Variants in IGF2BP3 observed in about 807,000 individuals in gnomAD.
IGF2BP3 encodes the protein insulin like growth factor 2 mRNA binding protein 3, also known as insulin-like growth factor 2 mRNA-binding protein 3.
A neutral mutation model predicts 73.8 loss-of-function variants in IGF2BP3; 9 were observed. That is an observed-to-expected ratio of 0.12 (90% CI 0.07 to 0.21). IGF2BP3 has a LOEUF of 0.21. Ranked by LOEUF, IGF2BP3 falls within the 10% of genes least tolerant of loss-of-function variation. The pLI is 1.00. For synonymous variants in IGF2BP3, 258 were observed against 256.7 expected (o/e 1.01, Z -0.05); for missense variants, 542 against 714.0 (o/e 0.76, Z 2.75).
chr7:23,334,700 ACT>A (rs554875432), intron 10 of IGF2BP3, among the ~76,000 whole-genome samples: 1 of 152,238 alleles, frequency 6.6e-6, no homozygotes, highest in South Asian at 2.1e-4. Flanking sequence ...TTCTTGGCAG[ACT>A]CTCAACTACG....
chr7:23,329,311 C>G (rs1365072157), intron 10 of IGF2BP3, among the ~76,000 whole-genome samples: 1 of 152,152 alleles, frequency 6.6e-6, no homozygotes, highest in Non-Finnish European at 1.5e-5. Flanking sequence ...TCAAACGTCC[C>G]TACTGCATTT....
chr7:23,335,758 T>C (rs76125571), intron 10 of IGF2BP3, among the ~76,000 whole-genome samples: 2,690 of 152,320 alleles, frequency 0.018, 81 homozygotes, highest in African/African-American at 0.056. Flanking sequence ...AATCCAACTG[T>C]ATGCTGCCAA....
At chr7:23,329,438 CCT>C (rs1414469177) in intron 10 of IGF2BP3, among the ~76,000 whole-genome samples, 3 of 152,034 alleles carry the variant, frequency 2.0e-5, no homozygotes, top group Admixed American at 6.6e-5. Flanking sequence ...AAATTTGTGC[CCT>C]GTTTGAATAC....
chr7:23,361,442 C>CTACCA (rs1325549356), intron 5 of IGF2BP3, 92 bp downstream of exon 5: 2 of 981,926 alleles, frequency 2.0e-6, no homozygotes, highest in Non-Finnish European at 3.1e-6. Flanking sequence ...TCTCTGCCAC[C>CTACCA]TACCAGCCCT....
At chr7:23,444,702 C>T (rs1788017437) in intron 2 of IGF2BP3, among the ~76,000 whole-genome samples, 1 of 140,352 alleles carries the variant, frequency 7.1e-6, no homozygotes, top group Non-Finnish European at 1.5e-5. Flanking sequence ...CAGATTGCAA[C>T]ACTGCACTCC....
In IGF2BP3 at chr7:23,317,703, G is replaced by A. The variant is rs1230387067; in HGVS notation, c.1331C>T (p.Ala444Val). 1 of 1,613,684 alleles carries A rather than the reference G, an allele frequency of 6.2e-7. No individual in the cohort carries two copies. Among genetic ancestry groups the A allele is most frequent in the African/African-American group, 1.3e-5 (1 of 75,016 alleles). Residue 444 changes from alanine to valine, a missense_variant, in exon 12 of 15, where the codon GCG becomes GTG. Around this residue, in one of 2 missense-constraint regions of IGF2BP3, gnomAD observed 303 missense variants for 472.1 expected, o/e 0.64. Coordinates refer to ENST00000258729, the MANE Select transcript of IGF2BP3 (RefSeq NM_006547.3). ...CCTCACTTTAGCATCTGGTGCTTCC[G>A]CTGGAGCAATCTGTAACAGACCCAA... The part of the protein sequence containing the change: ...FAGASIKIAP[A>V]EAPDAKVRMV...
At chr7:23,355,010 C>A (rs1366870827) in intron 5 of IGF2BP3, among the ~76,000 whole-genome samples, 1 of 152,146 alleles carries the variant, frequency 6.6e-6, no homozygotes, top group Non-Finnish European at 1.5e-5. Flanking sequence ...TCTTTCTAGG[C>A]ACAAAGTTTG....
rs201671879 is a variant in IGF2BP3 at position 23,312,474 on chromosome 7, G to A, written c.1642-14C>T. 6.3e-7 allele frequency: 1 copy of A among 1,576,454 alleles called. No homozygotes were observed. The highest frequency in any genetic ancestry group is 1.7e-5 in the Admixed American group (1 of 59,918). On this transcript the variant is annotated splice_polypyrimidine_tract_variant and intron_variant, in intron 14 of 14. Transcript: ENST00000258729. ...TCTCTGGGCAACCTAGAAAAGGACA[G>A]AGCTTTGAAATTCCACTTGATCAAA...
At chr7:23,313,731 A>C in intron 12 of IGF2BP3, 78 bp from the exon 13 acceptor site, 1 of 1,424,322 alleles carries the variant, frequency 7.0e-7, no homozygotes. Flanking sequence ...AGATGGCCCA[A>C]ATCCAAGTGG....
At chr7:23,447,792 A>G in intron 2 of IGF2BP3, among the ~76,000 whole-genome samples, 1 of 152,062 alleles carries the variant, frequency 6.6e-6, no homozygotes, top group Non-Finnish European at 1.5e-5. Context: ...CAGCCTGGGC[A>G]AAACAGTGAG....
chr7:23,333,200 T>C (rs762916733), intron 10 of IGF2BP3, among the ~76,000 whole-genome samples: 33 of 152,382 alleles, frequency 2.2e-4, no homozygotes, highest in Admixed American at 5.2e-4. Context: ...TATACAAATC[T>C]GGCTTTAAGC....
intron 2 of IGF2BP3, among the ~76,000 whole-genome samples, chr7:23,420,358 G>T (rs2128536324): frequency 6.6e-6 from 1 of 152,180 alleles, no homozygotes; most frequent in African/African-American, 2.4e-5. Context: ...CATGCTTGTA[G>T]TACCACCTAC....
intron 3 of IGF2BP3, among the ~76,000 whole-genome samples, chr7:23,408,025 G>A (rs570800260): frequency 1.3e-5 from 2 of 151,216 alleles, no homozygotes; most frequent in African/African-American, 4.8e-5. Context: ...ATCAATTCAT[G>A]CAGAAAAAGC....
intron 11 of IGF2BP3, among the ~76,000 whole-genome samples, chr7:23,318,297 A>C (rs1310409308): frequency 6.6e-6 from 1 of 152,080 alleles, no homozygotes; most frequent in Non-Finnish European, 1.5e-5. Context: ...ATCATAGCTC[A>C]CTGCAGCCTC....
chr7:23,321,595 T>A (rs1784153385), intron 10 of IGF2BP3, among the ~76,000 whole-genome samples: 1 of 152,314 alleles, frequency 6.6e-6, no homozygotes, highest in East Asian at 1.9e-4. Context: ...CCTGCCTGCC[T>A]CTGTAGGCTC....
At chr7:23,429,262 A>G (rs1021997616) in intron 2 of IGF2BP3, among the ~76,000 whole-genome samples, 1 of 152,158 alleles carries the variant, frequency 6.6e-6, no homozygotes, top group African/African-American at 2.4e-5. Flanking sequence ...ATATTTGCAT[A>G]TTTTCTTCCA....
At chr7:23,350,714 T>C (rs1784938947) in intron 6 of IGF2BP3, among the ~76,000 whole-genome samples, 1 of 152,192 alleles carries the variant, frequency 6.6e-6, no homozygotes, top group Non-Finnish European at 1.5e-5. Context: ...ATAAAACAAA[T>C]AGTTCCCGCT....
At chr7:23,327,063 ATAATAAATAAAT>A (rs962709959) in intron 10 of IGF2BP3, among the ~76,000 whole-genome samples, 46 of 145,548 alleles carry the variant, frequency 3.2e-4, no homozygotes, top group African/African-American at 7.9e-4. Flanking sequence ...AACTTAAAGT[ATAATAAATAAAT>A]TAATTAATTA....
At chr7:23,344,284 T>C (rs975115377) in intron 8 of IGF2BP3, among the ~76,000 whole-genome samples, 1 of 152,244 alleles carries the variant, frequency 6.6e-6, no homozygotes, top group African/African-American at 2.4e-5. Flanking sequence ...CTAGGCATAA[T>C]TGGCATTCTC....
Sources: gnomAD v4.1 joint callset for allele counts (sites outside exome capture counted in the v4.1 genomes callset) on GRCh38, gnomAD v4.1.1 for gene constraint, gnomAD v4.1.1 regional missense constraint, MANE v1.5 for transcripts, NCBI Gene and HGNC (gene_info 2026-07-23, HGNC 2026-07-21) for gene names.